The following TRPC6 variants were observed in gnomAD, a reference collection of about 807,000 sequenced individuals.
TRPC6 encodes transient receptor potential cation channel subfamily C member 6.
TRPC6 carries 55 observed loss-of-function variants against 90.7 expected under a neutral mutation model. The ratio of observed to expected loss-of-function variants is 0.61; its 90% CI spans 0.49 to 0.76. The LOEUF (loss-of-function observed/expected upper bound fraction) is 0.76. TRPC6 is among the 30% of genes least tolerant of loss of function. The pLI is 0.00. For synonymous variants in TRPC6, 393 were observed against 393.0 expected (o/e 1.00, Z 0.00); for missense variants, 989 against 1,122.7 (o/e 0.88, Z 1.70).
intron 1 of TRPC6, among the ~76,000 whole-genome samples, chr11:101,554,520 G>A (rs1861519916): frequency 6.6e-6 from 1 of 151,988 alleles, no homozygotes; most frequent in Non-Finnish European, 1.5e-5. Context: ...ATATAAATTG[G>A]GAATATGGTG....
At chr11:101,571,601 G>A (rs1052583330) in intron 1 of TRPC6, among the ~76,000 whole-genome samples, 11 of 151,998 alleles carry the variant, frequency 7.2e-5, no homozygotes, top group East Asian at 1.9e-4. Flanking sequence ...GAGGCATCAC[G>A]CTACCTGACT....
At chr11:101,553,464 C>A (rs978807843) in intron 1 of TRPC6, among the ~76,000 whole-genome samples, 1 of 152,034 alleles carries the variant, frequency 6.6e-6, no homozygotes, top group African/African-American at 2.4e-5. Flanking sequence ...AAATATCTCC[C>A]GGCCTATTAA....
intron 10 of TRPC6, among the ~76,000 whole-genome samples, chr11:101,463,213 G>A (rs1460193325): frequency 1.3e-5 from 2 of 152,154 alleles, no homozygotes; most frequent in East Asian, 1.9e-4. Context: ...CGGTTTGCCA[G>A]TATTTTATTG....
chr11:101,517,507 T>C (rs1860550873), intron 1 of TRPC6, among the ~76,000 whole-genome samples: 1 of 152,228 alleles, frequency 6.6e-6, no homozygotes, highest in Admixed American at 6.5e-5. Flanking sequence ...TCGGTGATTC[T>C]TTATTACTGC....
At chr11:101,575,996 T>C (rs903881180) in intron 1 of TRPC6, among the ~76,000 whole-genome samples, 8 of 152,096 alleles carry the variant, frequency 5.3e-5, no homozygotes, top group African/African-American at 1.9e-4. Context: ...ACTGAGAGAA[T>C]AGAGGACTGA....
chr11:101,474,600 A>AT (rs1391128065), intron 6 of TRPC6, among the ~76,000 whole-genome samples: 1 of 152,156 alleles, frequency 6.6e-6, no homozygotes, highest in Admixed American at 6.6e-5. Flanking sequence ...ATAGCTTTGA[A>AT]TTTTTTTAAT....
intron 1 of TRPC6, among the ~76,000 whole-genome samples, chr11:101,548,458 ATATAT>A (rs1861371532): frequency 1.9e-5 from 1 of 52,300 alleles, no homozygotes; most frequent in Admixed American, 2.6e-4. Flanking sequence ...ATATATACTG[ATATAT>A]ATATATATAT....
At chr11:101,537,647 C>T (rs1425290473) in intron 1 of TRPC6, among the ~76,000 whole-genome samples, 1 of 152,148 alleles carries the variant, frequency 6.6e-6, no homozygotes, top group Non-Finnish European at 1.5e-5. Flanking sequence ...AGTTAATCTG[C>T]ACCCTTTCTA....
chr11:101,548,915 T>C (rs1478792000), intron 1 of TRPC6, among the ~76,000 whole-genome samples: 6 of 152,008 alleles, frequency 3.9e-5, no homozygotes, highest in Admixed American at 3.9e-4. Context: ...CATTGACAAG[T>C]TCTGAAAGAG....
chr11:101,567,749 CATT>C (rs1861869069), intron 1 of TRPC6, among the ~76,000 whole-genome samples: 1 of 152,206 alleles, frequency 6.6e-6, no homozygotes, highest in African/African-American at 2.4e-5. Flanking sequence ...ACCTCCAGCA[CATT>C]CCAGCAAACC....
chr11:101,542,843 T>G (rs1437174162), intron 1 of TRPC6, among the ~76,000 whole-genome samples: 1 of 152,004 alleles, frequency 6.6e-6, no homozygotes, highest in Non-Finnish European at 1.5e-5. Flanking sequence ...AGGAAAAACC[T>G]TAAGAAAACA....
intron 1 of TRPC6, among the ~76,000 whole-genome samples, chr11:101,510,549 C>T (rs1860372277): frequency 6.6e-6 from 1 of 152,094 alleles, no homozygotes; most frequent in East Asian, 1.9e-4. Flanking sequence ...AGATTAGTAA[C>T]CTACATTTTC....
intron 1 of TRPC6, among the ~76,000 whole-genome samples, chr11:101,542,597 A>C (rs1265716185): frequency 6.6e-6 from 1 of 150,760 alleles, no homozygotes; most frequent in Admixed American, 6.6e-5. Flanking sequence ...GAATCCTAAA[A>C]AGCTACAGCA....
chr11:101,513,231 C>T (rs1187430634), intron 1 of TRPC6, among the ~76,000 whole-genome samples: 1 of 152,174 alleles, frequency 6.6e-6, no homozygotes, highest in Admixed American at 6.5e-5. Context: ...CTCTGATGGG[C>T]TGAACTCAGA....
At chr11:101,473,882 A>G (rs1370171318) in intron 6 of TRPC6, 109 bp from the exon 7 acceptor site, 1 of 1,492,930 alleles carries the variant, frequency 6.7e-7, no homozygotes, top group African/African-American at 1.4e-5. Context: ...CGGTTTTCGA[A>G]TGGAAGTCTC....
intron 1 of TRPC6, among the ~76,000 whole-genome samples, chr11:101,526,615 C>A (rs186476699): frequency 2.1e-3 from 317 of 151,978 alleles, no homozygotes; most frequent in Non-Finnish European, 3.6e-3. Context: ...GTAATCCCAG[C>A]ACTTTGGGAG....
intron 1 of TRPC6, among the ~76,000 whole-genome samples, chr11:101,549,492 G>C (rs558523313): frequency 1.3e-5 from 2 of 151,622 alleles, no homozygotes; most frequent in African/African-American, 4.8e-5. Context: ...TATACTGGTA[G>C]TTACCAACTT....
At chr11:101,468,388 G>A (rs1395977841) in intron 10 of TRPC6, among the ~76,000 whole-genome samples, 6 of 152,160 alleles carry the variant, frequency 3.9e-5, no homozygotes, top group East Asian at 3.9e-4. Flanking sequence ...ATATCAGATA[G>A]GCCTTAAGAG....
intron 1 of TRPC6, among the ~76,000 whole-genome samples, chr11:101,571,392 A>T (rs1198731755): frequency 6.6e-6 from 1 of 152,240 alleles, no homozygotes; most frequent in Non-Finnish European, 1.5e-5. Flanking sequence ...AAGGAAAAAC[A>T]TTCCATGCTC....
Sources: gnomAD v4.1 joint callset for allele counts (sites outside exome capture counted in the v4.1 genomes callset) on GRCh38, gnomAD v4.1.1 for gene constraint, MANE v1.5 for transcripts, NCBI Gene and HGNC (gene_info 2026-07-23, HGNC 2026-07-21) for gene names.